The following CDC42BPB variants were observed in gnomAD, a reference collection of about 807,000 sequenced individuals.
CDC42BPB encodes the protein serine/threonine-protein kinase MRCK beta.
A neutral mutation model predicts 214.9 loss-of-function variants in CDC42BPB; 37 were observed. The observed-to-expected ratio is 0.17, with a 90% CI of 0.13 to 0.23. The LOEUF (loss-of-function observed/expected upper bound fraction) is 0.23. CDC42BPB is among the 10% of genes least tolerant of loss of function. The pLI is 1.00. For missense variants in CDC42BPB, 1,694 were observed against 2,227.0 expected, an observed-to-expected ratio of 0.76 and a Z score of 4.82; for synonymous variants, 931 against 884.0, an observed-to-expected ratio of 1.05 and a Z score of -0.94.
chr14:103,020,117 CT>C (rs1237431372), intron 1 of CDC42BPB, among the ~76,000 whole-genome samples: 1 of 152,250 alleles, frequency 6.6e-6, no homozygotes, highest in Non-Finnish European at 1.5e-5. Flanking sequence ...CCGCCTCCCC[CT>C]GGATGGTTCT....
chr14:103,053,062 A>T (rs1275377652), intron 1 of CDC42BPB, among the ~76,000 whole-genome samples: 1 of 152,152 alleles, frequency 6.6e-6, no homozygotes, highest in Admixed American at 6.5e-5. Context: ...AGAAATATAC[A>T]TGCAAGGCCA....
Position 102,968,201 on chromosome 14 carries a change from T to A in CDC42BPB, c.2346+52A>T, listed in dbSNP as rs754268255. 2.0e-3 allele frequency: 2,750 copies of A among 1,378,750 alleles called. 15 individuals are homozygous for A. Among genetic ancestry groups the A allele is most frequent in the Middle Eastern group, 3.2e-3 (18 of 5,540 alleles). 85.4% of individuals were successfully genotyped at this position (1,378,750 alleles called of 1,614,324 possible). A position where few individuals can be genotyped will look rare whatever the true frequency, so the allele number is the denominator to read the frequency against. On this transcript the variant is annotated intron_variant, in intron 16 of 36. Coordinates refer to ENST00000361246, the MANE Select transcript of CDC42BPB (RefSeq NM_006035.4). The stretch of plus-strand genomic sequence containing the variant: ...ACACAAATTAAAAATAATTTTTTTT[T>A]AAATTACAACTTCCACACAAAGTGC...
rs560604714 is a variant in CDC42BPB at position 102,959,490 on chromosome 14, CAGTT to C, written c.2901+137_2901+140del. The C allele has an allele frequency of 8.3e-5, 52 of 624,832 alleles. No homozygotes were observed. The East Asian group carries it at 1.0e-3, about 12-fold the overall frequency. 38.7% of individuals were successfully genotyped at this position (624,832 alleles called of 1,614,324 possible). A position where few individuals can be genotyped will look rare whatever the true frequency, so the allele number is the denominator to read the frequency against. ...GTTGATTACATGTGGGTCAATTACACAGTTAGCACAACGCTGAGATAAACACTGA... is the reference window on the plus strand; with the variant it reads ...GTTGATTACATGTGGGTCAATTACACAGCACAACGCTGAGATAAACACTGA... On this transcript the variant is annotated intron_variant, in intron 21 of 36. Coordinates refer to ENST00000361246, the MANE Select transcript of CDC42BPB (RefSeq NM_006035.4).
intron 6 of CDC42BPB, among the ~76,000 whole-genome samples, chr14:102,985,838 C>G (rs1894221689): frequency 6.6e-6 from 1 of 152,274 alleles, no homozygotes; most frequent in South Asian, 2.1e-4. Flanking sequence ...CAGCTGCCAA[C>G]AGGGTGTGAG....
intron 1 of CDC42BPB, among the ~76,000 whole-genome samples, chr14:103,045,277 T>C (rs1048929205): frequency 3.3e-5 from 5 of 152,158 alleles, no homozygotes; most frequent in African/African-American, 1.2e-4. Context: ...GCAAGAATAT[T>C]TCTTATTCTG....
In CDC42BPB at chr14:102,943,933, G is replaced by A. The variant is rs1206839670; in HGVS notation, c.4366C>T (p.Arg1456Cys). 2 of 1,612,288 alleles carry A rather than the reference G, an allele frequency of 1.2e-6. No homozygotes were observed. The highest frequency in any genetic ancestry group is 1.7e-6 in the Non-Finnish European group (2 of 1,179,806). The change falls in exon 30 of 37, where the codon CGC becomes TGC. Residue 1456 changes from arginine to cysteine, a missense_variant. Physicochemically the swap from Arg to Cys is radical, Grantham distance 180. Transcript: ENST00000361246. This position sits in a 1 kb window ranked among gnomAD's most constrained non-coding sequence, Gnocchi z 4.6. ...GCAGGCCACATGAGCTCCTGCGCGC[G>A]TGCCCTCCGGCCTTGCGGGTCCACG... ...LYVDPQGRRARAQELMWPAAP... is the reference protein window; with the variant it reads ...LYVDPQGRRACAQELMWPAAP...
intron 27 of CDC42BPB, chr14:102,946,952 G>T: frequency 4.9e-6 from 3 of 611,150 alleles, no homozygotes; most frequent in Non-Finnish European, 6.1e-6. Context: ...ACGAGTAGCT[G>T]CCTACTTTAA....
At chr14:103,049,152 T>C (rs1888465683) in intron 1 of CDC42BPB, among the ~76,000 whole-genome samples, 1 of 152,204 alleles carries the variant, frequency 6.6e-6, no homozygotes, top group Non-Finnish European at 1.5e-5. Context: ...ACAGCAGAAG[T>C]CAGCAATGTC....
intron 36 of CDC42BPB, among the ~76,000 whole-genome samples, chr14:102,934,815 T>G (rs60340569): frequency 0.017 from 2,591 of 151,514 alleles, 73 homozygotes; most frequent in African/African-American, 0.058. Context: ...ATTGAGACCA[T>G]CCTAACACAG....
chr14:102,983,216 G>T (rs138503956), intron 7 of CDC42BPB, among the ~76,000 whole-genome samples: 2 of 152,148 alleles, frequency 1.3e-5, no homozygotes, highest in Non-Finnish European at 2.9e-5. Context: ...CACTCCATGC[G>T]CCTGTGCAGA....
chr14:102,960,045 A>C (rs980946250), intron 20 of CDC42BPB, among the ~76,000 whole-genome samples: 1 of 151,986 alleles, frequency 6.6e-6, no homozygotes, highest in Non-Finnish European at 1.5e-5. Flanking sequence ...CATCTCTGCT[A>C]AAAATACAAA....
At chr14:102,976,210 C>A (rs530744279) in intron 9 of CDC42BPB, 161 bp from the exon 10 acceptor site, 5 of 985,286 alleles carry the variant, frequency 5.1e-6, no homozygotes, top group Non-Finnish European at 6.0e-6. Flanking sequence ...AGACAAGTGA[C>A]CAGATGGTCA....
intron 5 of CDC42BPB, among the ~76,000 whole-genome samples, chr14:102,991,096 T>C (rs187869553): frequency 4.3e-4 from 66 of 152,246 alleles, no homozygotes; most frequent in African/African-American, 1.5e-3. Context: ...ATTTGCATGG[T>C]CTTAAAAGTA....
chr14:103,041,421 A>T, intron 1 of CDC42BPB: 3 of 750,432 alleles, frequency 4.0e-6, no homozygotes, highest in Non-Finnish European at 6.3e-6. Context: ...AAAAACAACA[A>T]AAAATATTTA....
intron 5 of CDC42BPB, among the ~76,000 whole-genome samples, chr14:102,989,358 G>A (rs992906791): frequency 2.0e-5 from 3 of 152,154 alleles, no homozygotes; most frequent in East Asian, 1.9e-4. Context: ...ATAAACCTAC[G>A]TATGTAATTT....
At chr14:102,996,334 C>T (rs760811005) in intron 5 of CDC42BPB, among the ~76,000 whole-genome samples, 1 of 151,690 alleles carries the variant, frequency 6.6e-6, no homozygotes, top group Admixed American at 6.6e-5. Flanking sequence ...AGCAAGACTC[C>T]GTCTCAAAAA....
At chr14:102,939,978 T>C (rs751934399) in intron 32 of CDC42BPB, 31 bp from the exon 33 acceptor site, 1 of 1,613,722 alleles carries the variant, frequency 6.2e-7, no homozygotes, top group South Asian at 1.1e-5. Context: ...GTGACGGTGC[T>C]GCGGCACCAG....
rs185331235 is a variant in CDC42BPB at position 103,040,519 on chromosome 14, C to T, written c.175+16480G>A. On this transcript the variant is annotated intron_variant, in intron 1 of 36. Transcript: ENST00000361246. ...TGAAGCCCAGGCTGGGGTGCAGTGG[C>T]GTGATCTCGACTCACTGCAACCTCT... Among the ~76,000 whole-genome samples, 916 of 151,976 alleles carry T rather than the reference C, an allele frequency of 6.0e-3. 13 individuals are homozygous for T. The highest frequency in any genetic ancestry group is 0.021 in the African/African-American group (874 of 41,476).
chr14:103,007,825 T>C (rs1885927415), intron 3 of CDC42BPB, among the ~76,000 whole-genome samples: 1 of 152,058 alleles, frequency 6.6e-6, no homozygotes, highest in South Asian at 2.1e-4. Context: ...AGGAAGGGCC[T>C]GGGCTCTGAG....
Sources: allele counts gnomAD v4.1 joint callset (sites outside exome capture counted in the v4.1 genomes callset), GRCh38; gene constraint gnomAD v4.1.1; non-coding constraint Gnocchi (gnomAD v3.1); transcripts MANE v1.5; gene names NCBI Gene and HGNC (gene_info 2026-07-23, HGNC 2026-07-21).